SLMAP: variants seen among roughly 807,000 people sequenced by gnomAD.
SLMAP encodes the protein sarcolemma associated protein.
In SLMAP, 44 loss-of-function variants were observed where a neutral mutation model predicts 128.8. The observed-to-expected ratio is 0.34, with a 90% CI of 0.27 to 0.44. The LOEUF (loss-of-function observed/expected upper bound fraction) is 0.44, where lower values mean the gene tolerates loss of function less well. SLMAP is among the 20% of genes least tolerant of loss of function. SLMAP has a pLI of 1.00. For synonymous variants in SLMAP, 327 were observed against 348.8 expected (o/e 0.94, Z 0.70); for missense variants, 787 against 985.3 (o/e 0.80, Z 2.69).
At chr3:57,867,169 A>T (rs1401335557) in intron 13 of SLMAP, among the ~76,000 whole-genome samples, 1 of 152,150 alleles carries the variant, frequency 6.6e-6, no homozygotes, top group African/African-American at 2.4e-5. Context: ...ACAGAGTGAG[A>T]CTCTTGTCTC....
chr3:57,786,296 T>TG (rs2084083267), intron 2 of SLMAP, among the ~76,000 whole-genome samples: 1 of 152,166 alleles, frequency 6.6e-6, no homozygotes, highest in Admixed American at 6.5e-5. Flanking sequence ...AGCTCCTATC[T>TG]GGGACATGTA....
chr3:57,806,675 A>C (rs2089948631), intron 2 of SLMAP, among the ~76,000 whole-genome samples: 1 of 152,058 alleles, frequency 6.6e-6, no homozygotes. Flanking sequence ...CCTGACCTCA[A>C]GTGATCCACC....
chr3:57,777,129 T>C (rs1362998782), intron 2 of SLMAP, among the ~76,000 whole-genome samples: 4 of 148,268 alleles, frequency 2.7e-5, no homozygotes, highest in African/African-American at 4.9e-5. Flanking sequence ...GGGATAGCAT[T>C]AGGATATATA....
At position 57,890,062 on chromosome 3, in the gene SLMAP, A is replaced by T; in HGVS notation, c.1322A>T (p.His441Leu). ...GCAGAGAAGCTGATCGTCGAAGGGC[A>T]TCTAACCAAAGCGGTAGAAGAAACA... ...ECQKKLIVEG[H>L]LTKAVEETKL... Residue 441 changes from histidine to leucine, a missense_variant, in exon 15 of 25, where the codon CAT (histidine) becomes CTT (leucine). This residue lies in a region of SLMAP where 715 missense variants were observed against 843.6 expected (regional missense o/e 0.85). Coordinates refer to ENST00000671191, the MANE Select transcript of SLMAP (RefSeq NM_001377540.1). 6.2e-7 allele frequency: 1 copy of T among 1,613,898 alleles called. No individual in the cohort carries two copies. Among genetic ancestry groups the T allele is most frequent in the Non-Finnish European group, 8.5e-7 (1 of 1,179,762 alleles).
chr3:57,833,116 T>C (rs961451823), intron 3 of SLMAP, among the ~76,000 whole-genome samples: 3 of 152,222 alleles, frequency 2.0e-5, no homozygotes, highest in Admixed American at 2.0e-4. Flanking sequence ...TCTTCTTGGC[T>C]TGCATTTCCT....
chr3:57,853,955 T>TTATATATATATA (rs1157170350), intron 6 of SLMAP, among the ~76,000 whole-genome samples: 40 of 31,920 alleles, frequency 1.3e-3, no homozygotes, highest in East Asian at 2.1e-3. Flanking sequence ...AAAAAAAAAA[T>TTATATATATATA]TATATATATA....
intron 17 of SLMAP, among the ~76,000 whole-genome samples, chr3:57,906,084 A>G (rs1320608705): frequency 6.7e-6 from 1 of 149,408 alleles, no homozygotes; most frequent in Admixed American, 6.7e-5. Context: ...GCATTATCCT[A>G]TATAATGACA....
chr3:57,916,856 G>C (rs760391927), intron 21 of SLMAP, 50 bp from the exon 22 acceptor site: 6 of 1,478,622 alleles, frequency 4.1e-6, no homozygotes, highest in Non-Finnish European at 5.6e-6. Context: ...ACTTCCTTCT[G>C]TGTCCAGTTT....
At chr3:57,812,856 C>G (rs1421824915) in intron 2 of SLMAP, among the ~76,000 whole-genome samples, 2 of 151,514 alleles carry the variant, frequency 1.3e-5, no homozygotes, top group Non-Finnish European at 2.9e-5. Flanking sequence ...TCCCAACTCC[C>G]TAAGTTAGTT....
chr3:57,843,870 T>C (rs2094109112), intron 4 of SLMAP, among the ~76,000 whole-genome samples: 1 of 132,562 alleles, frequency 7.5e-6, no homozygotes, highest in Non-Finnish European at 1.6e-5. Context: ...AGCCTCCACC[T>C]CCCAGGTTTA....
intron 2 of SLMAP, among the ~76,000 whole-genome samples, chr3:57,786,386 A>G (rs1161397430): frequency 1.3e-5 from 2 of 152,140 alleles, no homozygotes; most frequent in African/African-American, 4.8e-5. Context: ...ATGTTATTCA[A>G]CACACACTTT....
At chr3:57,880,992 C>A (rs1401972062) in intron 14 of SLMAP, among the ~76,000 whole-genome samples, 2 of 152,002 alleles carry the variant, frequency 1.3e-5, no homozygotes, top group African/African-American at 2.4e-5. Context: ...GAGTTCAAGA[C>A]CAGCCTGAGC....
chr3:57,909,667 C>A (rs1287327485), intron 19 of SLMAP, among the ~76,000 whole-genome samples: 1 of 151,872 alleles, frequency 6.6e-6, no homozygotes, highest in Non-Finnish European at 1.5e-5. Context: ...GGCTGGAGTA[C>A]AATGGCGCGG....
At chr3:57,896,783 C>A in intron 16 of SLMAP, 90 bp from the exon 17 acceptor site, 1 of 1,439,856 alleles carries the variant, frequency 6.9e-7, no homozygotes, top group South Asian at 1.4e-5. Flanking sequence ...ATAGCTGTAT[C>A]AATTCCAATT....
chr3:57,799,007 AAT>A (rs2087488256), intron 2 of SLMAP, among the ~76,000 whole-genome samples: 1 of 152,164 alleles, frequency 6.6e-6, no homozygotes, highest in African/African-American at 2.4e-5. Flanking sequence ...TAATATATTT[AAT>A]ATTAGATCTT....
intron 2 of SLMAP, among the ~76,000 whole-genome samples, chr3:57,792,906 G>C (rs775645278): frequency 6.6e-6 from 1 of 151,840 alleles, no homozygotes; most frequent in Non-Finnish European, 1.5e-5. Flanking sequence ...GAGAGGCTAA[G>C]CGGGGTGGAT....
At chr3:57,794,995 CTGCCAAAATGTTTTCCAAGG>C (rs2086388868) in intron 2 of SLMAP, among the ~76,000 whole-genome samples, 1 of 152,174 alleles carries the variant, frequency 6.6e-6, no homozygotes, top group South Asian at 2.1e-4. Context: ...TCTTGAGGAA[CTGCCAAAATGTTTTCCAAGG>C]TGCCTATACC....
chr3:57,823,929 G>T (rs907218667), intron 2 of SLMAP, among the ~76,000 whole-genome samples: 4 of 152,068 alleles, frequency 2.6e-5, no homozygotes, highest in African/African-American at 7.2e-5. Context: ...GTGTGAGATG[G>T]TATCTCATTG....
intron 2 of SLMAP, among the ~76,000 whole-genome samples, chr3:57,805,417 C>T (rs900889418): frequency 1.3e-5 from 2 of 152,198 alleles, no homozygotes; most frequent in African/African-American, 2.4e-5. Flanking sequence ...GTGATTCATT[C>T]ACTATCCACC....
Sources: gnomAD v4.1 joint callset for allele counts (sites outside exome capture counted in the v4.1 genomes callset) on GRCh38, gnomAD v4.1.1 for gene constraint, gnomAD v4.1.1 regional missense constraint, MANE v1.5 for transcripts, NCBI Gene and HGNC (gene_info 2026-07-23, HGNC 2026-07-21) for gene names.